SPINK9: variants seen among roughly 807,000 people sequenced by gnomAD.
SPINK9 encodes serine protease inhibitor Kazal-type 9.
Under a neutral mutation model 10.8 loss-of-function variants are expected in SPINK9, and 3 were observed. That is an observed-to-expected ratio of 0.28 (90% CI 0.13 to 0.72). The LOEUF is 0.72. SPINK9 is among the 30% of genes least tolerant of loss of function. SPINK9 has a pLI of 0.74. For missense variants in SPINK9, 101 were observed against 103.2 expected, an observed-to-expected ratio of 0.98 and a Z score of 0.09; for synonymous variants, 30 against 31.2, an observed-to-expected ratio of 0.96 and a Z score of 0.12.
intron 2 of SPINK9, among the ~76,000 whole-genome samples, chr5:148,326,653 AT>A: frequency 6.6e-6 from 1 of 152,142 alleles, no homozygotes; most frequent in Non-Finnish European, 1.5e-5. Flanking sequence ...TCCTAATGCT[AT>A]CCCTCCCCCT....
chr5:148,330,110 A>T (rs1757126559), intron 2 of SPINK9, among the ~76,000 whole-genome samples: 1 of 152,114 alleles, frequency 6.6e-6, no homozygotes, highest in African/African-American at 2.4e-5. Context: ...TGGGGTGTTA[A>T]AGTCTCCCAT....
At position 148,337,668 on chromosome 5, in the gene SPINK9, A is replaced by G. The variant is rs548543542; in HGVS notation, c.88-810A>G. Among the ~76,000 whole-genome samples, 11 of 151,292 alleles carry G rather than the reference A, an allele frequency of 7.3e-5. No individual in the cohort carries two copies. In the East Asian group the frequency reaches 2.2e-3, roughly 30 times the overall value. ...TTTTCCATGCAATGTAGTGCTAAGC[A>G]TTGTACACATATCTTTTCATTTACA... On this transcript the variant is annotated intron_variant, in intron 2 of 3. Coordinates refer to ENST00000377906, the MANE Select transcript of SPINK9 (RefSeq NM_001040433.2).
At chr5:148,322,133 C>A (rs535221813) in intron 1 of SPINK9, among the ~76,000 whole-genome samples, 2 of 152,150 alleles carry the variant, frequency 1.3e-5, no homozygotes, top group Non-Finnish European at 2.9e-5. Context: ...TGACTTTATA[C>A]CCCATATGTT....
At chr5:148,336,974 C>G (rs1757225784) in intron 2 of SPINK9, among the ~76,000 whole-genome samples, 1 of 152,100 alleles carries the variant, frequency 6.6e-6, no homozygotes, top group African/African-American at 2.4e-5. Flanking sequence ...GAGTTCCACT[C>G]TAAACTCTGT....
In SPINK9 at chr5:148,330,000, T is replaced by C. The variant is rs542772499; in HGVS notation, c.118+6132T>C. Among the ~76,000 whole-genome samples the C allele has an allele frequency of 5.2e-4, 79 of 152,256 alleles. 1 individual carries two copies. The South Asian group carries it at 0.016, about 32-fold the overall frequency. On this transcript the variant is annotated intron_variant, in intron 2 of 4. Transcript: ENST00000511717. Reference sequence around the variant, plus strand: ...TATTCTGTTGATTTCGGGTGGAGAGTTCTGTAGATGTCTATTAGGTCTGCT... The same window carrying C: ...TATTCTGTTGATTTCGGGTGGAGAGCTCTGTAGATGTCTATTAGGTCTGCT...
intron 1 of SPINK9, 149 bp from the exon 2 acceptor site, chr5:148,336,273 C>G (rs778367518): frequency 2.5e-6 from 2 of 789,072 alleles, no homozygotes; most frequent in Non-Finnish European, 4.1e-6. Flanking sequence ...AGAGCTTCAA[C>G]CTTTGATACA....
Position 148,338,457 on chromosome 5 carries a change from GT to G in SPINK9, c.88-16del. On this transcript the variant is annotated intron_variant, in intron 2 of 3. Transcript: ENST00000377906. ...AAAGATTTGGTTGAAAGAGTTGAAG[GT>G]TTTTAATATGTTTTTTCAGGTTGAC... 3 of 1,584,168 alleles carry G rather than the reference GT, an allele frequency of 1.9e-6. No homozygotes were observed. Among genetic ancestry groups the G allele is most frequent in the Non-Finnish European group, 2.6e-6 (3 of 1,169,266 alleles).
chr5:148,339,660 T>A lies in SPINK9; in HGVS notation c.216-7T>A. ...ATTTCTCATTTGTTGCTATATTCTC[T>A]CCACAGGAAAACTGACGGCACACTT... On this transcript the variant is annotated splice_region_variant and splice_polypyrimidine_tract_variant and intron_variant, in intron 3 of 3. Transcript: ENST00000377906. 6.2e-7 allele frequency: 1 copy of A among 1,612,328 alleles called. No homozygotes were observed. The highest frequency in any genetic ancestry group is 1.3e-5 in the African/African-American group (1 of 74,942).
chr5:148,328,220 A>C (rs1052675065), intron 2 of SPINK9, among the ~76,000 whole-genome samples: 11 of 152,138 alleles, frequency 7.2e-5, no homozygotes, highest in African/African-American at 2.7e-4. Context: ...GAGGTCCTTC[A>C]CATCCCTTGT....
chr5:148,322,829 A>G (rs1371013310), intron 1 of SPINK9, among the ~76,000 whole-genome samples: 2 of 152,246 alleles, frequency 1.3e-5, no homozygotes, highest in Non-Finnish European at 2.9e-5. Context: ...TGCAATCTAT[A>G]TGACATCCAA....
chr5:148,325,721 T>A (rs372167751), intron 2 of SPINK9, among the ~76,000 whole-genome samples: 81 of 152,158 alleles, frequency 5.3e-4, no homozygotes, highest in African/African-American at 1.8e-3. Context: ...GCACAAAATC[T>A]TTCAATTTTC....
At chr5:148,337,968 T>A (rs1757238682) in intron 2 of SPINK9, among the ~76,000 whole-genome samples, 1 of 152,178 alleles carries the variant, frequency 6.6e-6, no homozygotes, top group African/African-American at 2.4e-5. Context: ...TTCATCTATG[T>A]GCTGGTGAAG....
At chr5:148,327,777 G>C (rs1254023979) in intron 2 of SPINK9, among the ~76,000 whole-genome samples, 1 of 151,770 alleles carries the variant, frequency 6.6e-6, no homozygotes. Context: ...TTTCCCCATT[G>C]CTTGTTTTTG....
chr5:148,328,672 G>T lies in SPINK9; in HGVS notation c.118+4804G>T, dbSNP rs549336656. On this transcript the variant is annotated intron_variant, in intron 2 of 4. Coordinates refer to the SPINK9 transcript ENST00000511717. Reference sequence around the variant, plus strand: ...GATAGCCCTTATTATTTTGAAATACGTCCCATCAATACCTAATTTATTGAG... The same window carrying T: ...GATAGCCCTTATTATTTTGAAATACTTCCCATCAATACCTAATTTATTGAG... Among the ~76,000 whole-genome samples the T allele has an allele frequency of 2.0e-5, 3 of 152,088 alleles. No homozygotes were observed. The East Asian group carries it at 5.8e-4, about 29-fold the overall frequency.
In SPINK9 at chr5:148,323,829, A is replaced by G. The variant is rs1308316593; in HGVS notation, c.79A>G (p.Arg27Gly). The G allele has an allele frequency of 8.6e-6, 6 of 701,678 alleles. No homozygotes were observed. In the East Asian group the frequency reaches 1.6e-4, roughly 19 times the overall value. 43.5% of individuals were successfully genotyped at this position (701,678 alleles called of 1,614,324 possible). The change falls in exon 2 of 5, where the codon AGG becomes GGG. Residue 27 changes from arginine (R) to glycine (G), a missense_variant. Transcript: ENST00000511717. Reference sequence around the variant, plus strand: ...CAGCTCAGGAGAACACAATGAACCCAGGAGACTCATGGGCTTAACGCAACC... The same window carrying G: ...CAGCTCAGGAGAACACAATGAACCCGGGAGACTCATGGGCTTAACGCAACC...
chr5:148,331,343 T>C (rs534148970), upstream of SPINK9, among the ~76,000 whole-genome samples: 21 of 152,344 alleles, frequency 1.4e-4, 1 homozygote, highest in South Asian at 4.1e-3. Flanking sequence ...CTAGAAGATA[T>C]TATGCTAGGT....
intron 2 of SPINK9, among the ~76,000 whole-genome samples, chr5:148,337,377 C>T (rs1050762909): frequency 6.6e-6 from 1 of 152,044 alleles, no homozygotes; most frequent in African/African-American, 2.4e-5. Flanking sequence ...TAACCTTAGC[C>T]CGATAACAGG....
intron 1 of SPINK9, 54 bp downstream of exon 1, chr5:148,335,722 CTTCTGCCTATGTAA>C: frequency 1.3e-6 from 2 of 1,562,360 alleles, no homozygotes; most frequent in Non-Finnish European, 1.8e-6. Context: ...CTCATGCAGT[CTTCTGCCTATGTAA>C]TTCTGGGATA....
At chr5:148,331,054 G>A (rs534359778), upstream of SPINK9, among the ~76,000 whole-genome samples, 17 of 152,280 alleles carry the variant, frequency 1.1e-4, no homozygotes, top group South Asian at 2.1e-4. Flanking sequence ...GTGATGCCTC[G>A]CCCTGCTTCG....
Sources: gnomAD v4.1 joint callset for allele counts (sites outside exome capture counted in the v4.1 genomes callset) on GRCh38, gnomAD v4.1.1 for gene constraint, MANE v1.5 for transcripts, NCBI Gene and HGNC (gene_info 2026-07-23, HGNC 2026-07-21) for gene names.